KIRREL1: variants seen among roughly 807,000 people sequenced by gnomAD.
The protein encoded by KIRREL1 is kin of IRRE-like protein 1.
A neutral mutation model predicts 83.3 loss-of-function variants in KIRREL1; 25 were observed. That is an observed-to-expected ratio of 0.30 (90% confidence interval 0.22 to 0.42). The LOEUF (loss-of-function observed/expected upper bound fraction) is 0.42. Among genes scored for constraint, KIRREL1 ranks in the 10% least tolerant of loss-of-function variants. KIRREL1 has a pLI of 1.00. For missense variants in KIRREL1, 812 were observed against 1,032.3 expected (o/e 0.79, Z 2.92); for synonymous variants, 388 against 410.4 (o/e 0.95, Z 0.66).
chr1:158,090,051 C>T (rs1284710030), intron 10 of KIRREL1, among the ~76,000 whole-genome samples: 1 of 152,152 alleles, frequency 6.6e-6, no homozygotes, highest in South Asian at 2.1e-4. Context: ...GTTTATTCAT[C>T]TATAAAACAG....
Position 157,993,670 on chromosome 1 carries a change from G to A in KIRREL1, c.-7G>A. The A allele has an allele frequency of 6.8e-7, 1 of 1,478,414 alleles. No individual in the cohort carries two copies. The highest frequency in any genetic ancestry group is 9.0e-7 in the Non-Finnish European group (1 of 1,112,320). The allele number at this position is 1,478,414 out of a possible 1,614,324, so 91.6% of individuals were successfully genotyped here. On this transcript the variant is annotated 5_prime_UTR_variant, in exon 1 of 15. Coordinates refer to ENST00000359209, the MANE Select transcript of KIRREL1 (RefSeq NM_018240.7). ...AGCCGCGGGCGGGCGCACGGCGGGC[G>A]GACAGCATGCTGAGCCTCCTCGTCT...
rs539896978 is a variant in KIRREL1, at chr1:158,051,415, A to G, written c.53-24698A>G. Among the ~76,000 whole-genome samples the G allele has an allele frequency of 2.6e-5, 4 of 152,362 alleles. No homozygotes were observed. The East Asian group carries it at 7.7e-4, about 29-fold the overall frequency. On this transcript the variant is annotated intron_variant, in intron 1 of 14. Transcript: ENST00000359209. The stretch of plus-strand genomic sequence containing the variant: ...CACACAATGAACACCTATAGACGAC[A>G]GAAGTGGCATTATTGAAATAATAAC...
At position 158,084,476 on chromosome 1, in the gene KIRREL1, G is replaced by A. The variant is rs1169964457; in HGVS notation, c.407G>A (p.Gly136Asp). 1 of 1,551,692 alleles carries A rather than the reference G, an allele frequency of 6.4e-7. No homozygotes were observed. Among genetic ancestry groups the A allele is most frequent in the African/African-American group, 1.4e-5 (1 of 73,052 alleles). ...DGGPVILLQA[G>D]TPHNLTCRAF... is the part of the protein sequence containing the mutation. ...GGCCCTGTGATTCTACTGCAGGCAG[G>A]CACCCCCCACAACCTCACATGCCGG... is the stretch of plus-strand genomic sequence containing the variant. Residue 136 changes from glycine to aspartate, a missense_variant, in exon 4 of 15, where the codon GGC becomes GAC. Coordinates refer to ENST00000359209, the MANE Select transcript of KIRREL1 (RefSeq NM_018240.7).
At chr1:158,064,219 A>G (rs1348696381) in intron 1 of KIRREL1, among the ~76,000 whole-genome samples, 1 of 152,182 alleles carries the variant, frequency 6.6e-6, no homozygotes, top group Non-Finnish European at 1.5e-5. Flanking sequence ...ATAGCTGCAG[A>G]CTAGACTCCA....
At chr1:158,074,299 A>C (rs1282556473) in intron 1 of KIRREL1, among the ~76,000 whole-genome samples, 1 of 152,064 alleles carries the variant, frequency 6.6e-6, no homozygotes, top group Non-Finnish European at 1.5e-5. Context: ...AAATTTGCAC[A>C]CTTAATCAAG....
intron 11 of KIRREL1, among the ~76,000 whole-genome samples, chr1:158,092,504 C>T (rs1176313056): frequency 3.9e-5 from 6 of 152,032 alleles, no homozygotes; most frequent in South Asian, 2.1e-4. Context: ...CCCGCCACTA[C>T]GCCCGGCTAA....
intron 1 of KIRREL1, among the ~76,000 whole-genome samples, chr1:158,042,377 G>A (rs1373915572): frequency 6.6e-6 from 1 of 152,156 alleles, no homozygotes; most frequent in Admixed American, 6.5e-5. Context: ...AGTTTTCACT[G>A]GGAGGCAGCT....
In KIRREL1 at chr1:158,097,190, GA is replaced by G; in HGVS notation, c.*2072del. ...GAGTCCTTTTATGAGAGCTCAGTGGGAAGGTCTGTCAAGAAATTCAGGTTCT... is the reference window on the plus strand; with the variant it reads ...GAGTCCTTTTATGAGAGCTCAGTGGGAGGTCTGTCAAGAAATTCAGGTTCT... On this transcript the variant is annotated 3_prime_UTR_variant, in exon 15 of 15. Transcript: ENST00000359209. 2.6e-6 allele frequency: 1 copy of G among 383,142 alleles called. No homozygotes were observed. Among genetic ancestry groups the G allele is most frequent in the Non-Finnish European group, 5.1e-6 (1 of 194,984 alleles). 23.7% of individuals were successfully genotyped at this position (383,142 alleles called of 1,614,324 possible). A position where few individuals can be genotyped will look rare whatever the true frequency, so the allele number is the denominator to read the frequency against.
At position 158,041,340 on chromosome 1, in the gene KIRREL1, G is replaced by A. The variant is rs192526890; in HGVS notation, c.53-34773G>A. Among the ~76,000 whole-genome samples the A allele has an allele frequency of 9.7e-4, 147 of 152,328 alleles. 1 individual carries two copies. The highest frequency in any genetic ancestry group is 9.1e-3 in the South Asian group (44 of 4,824). ...TTCGTAAGGTGGTCCTGGTCTTGAA[G>A]TTATCCAGGAGAGAAAGATAGGTTT... is the stretch of plus-strand genomic sequence containing the variant. On this transcript the variant is annotated intron_variant, in intron 1 of 14. Transcript: ENST00000359209.
At chr1:157,996,454 GT>G (rs1285057392) in intron 1 of KIRREL1, among the ~76,000 whole-genome samples, 1 of 151,964 alleles carries the variant, frequency 6.6e-6, no homozygotes, top group Non-Finnish European at 1.5e-5. Context: ...AGCTGCCTCC[GT>G]GGGGGGGATG....
At chr1:158,067,286 G>A (rs1661381015) in intron 1 of KIRREL1, among the ~76,000 whole-genome samples, 1 of 152,172 alleles carries the variant, frequency 6.6e-6, no homozygotes, top group African/African-American at 2.4e-5. Flanking sequence ...CTTCTAATGG[G>A]AAAGGAAAGG....
intron 1 of KIRREL1, among the ~76,000 whole-genome samples, chr1:158,067,990 G>C (rs577122693): frequency 6.6e-6 from 1 of 152,288 alleles, no homozygotes; most frequent in East Asian, 1.9e-4. Flanking sequence ...CCCAGCCTTA[G>C]AGACGGACAG....
chr1:157,999,847 T>G (rs1372143936), intron 1 of KIRREL1, among the ~76,000 whole-genome samples: 2 of 152,150 alleles, frequency 1.3e-5, no homozygotes, highest in African/African-American at 2.4e-5. Flanking sequence ...TAATGGGCTC[T>G]CTCAGAGTGG....
At chr1:158,017,209 T>C (rs576264357) in intron 1 of KIRREL1, among the ~76,000 whole-genome samples, 1 of 152,122 alleles carries the variant, frequency 6.6e-6, no homozygotes, top group Non-Finnish European at 1.5e-5. Context: ...CTCCTCATTT[T>C]CCTCCTTTCC....
intron 3 of KIRREL1, 67 bp from the exon 4 acceptor site, chr1:158,084,355 G>A: frequency 1.4e-6 from 2 of 1,446,178 alleles, no homozygotes; most frequent in Non-Finnish European, 1.9e-6. Context: ...TCCAGAGGCA[G>A]GAGTTTTGGT....
In KIRREL1 at chr1:157,998,266, A is replaced by G. The variant is rs574049392; in HGVS notation, c.52+4538A>G. Among the ~76,000 whole-genome samples the G allele has an allele frequency of 9.8e-5, 15 of 152,318 alleles. No individual in the cohort carries two copies. The South Asian group carries it at 3.1e-3, about 32-fold the overall frequency. Reference sequence around the variant, plus strand: ...ACCCTTCTCCTTTGCCAGATCCTACATGCCAGCAGAGACTGATGCTGGACT... The same window carrying G: ...ACCCTTCTCCTTTGCCAGATCCTACGTGCCAGCAGAGACTGATGCTGGACT... On this transcript the variant is annotated intron_variant, in intron 1 of 14. Coordinates refer to ENST00000359209, the MANE Select transcript of KIRREL1 (RefSeq NM_018240.7).
chr1:158,029,085 C>T (rs549858206), intron 1 of KIRREL1, among the ~76,000 whole-genome samples: 13 of 152,280 alleles, frequency 8.5e-5, no homozygotes, highest in African/African-American at 2.4e-4. Context: ...TTGGGGCCTG[C>T]AGTCTAAGCC....
intron 1 of KIRREL1, among the ~76,000 whole-genome samples, chr1:158,011,391 A>G (rs537868571): frequency 6.6e-6 from 1 of 152,268 alleles, no homozygotes; most frequent in South Asian, 2.1e-4. Context: ...CCTCTTCCTC[A>G]TCTGTAAAAT....
At chr1:158,005,158 C>T (rs1225105079) in intron 1 of KIRREL1, among the ~76,000 whole-genome samples, 1 of 152,154 alleles carries the variant, frequency 6.6e-6, no homozygotes, top group Non-Finnish European at 1.5e-5. Flanking sequence ...AGGACCACAC[C>T]TTGAGGTGTT....
Sources: gnomAD v4.1 joint callset for allele counts (sites outside exome capture counted in the v4.1 genomes callset) on GRCh38, gnomAD v4.1.1 for gene constraint, MANE v1.5 for transcripts, NCBI Gene and HGNC (gene_info 2026-07-23, HGNC 2026-07-21) for gene names.